The following CNTROB variants were observed in gnomAD, a reference collection of about 807,000 sequenced individuals.
CNTROB encodes centrobin, centriole duplication and spindle assembly protein, also known as centrobin.
Under a neutral mutation model 115.7 loss-of-function variants are expected in CNTROB, and 82 were observed. That is an observed-to-expected ratio of 0.71 (90% CI 0.59 to 0.85). The LOEUF is 0.85. Among genes scored for constraint, CNTROB ranks in the 40% least tolerant of loss-of-function variants. The pLI is 0.00. For synonymous variants in CNTROB, 439 were observed against 456.4 expected (o/e 0.96, Z 0.49); for missense variants, 1,014 against 1,144.4 (o/e 0.89, Z 1.64).
chr17:7,941,523 C>T (rs1437537018), intron 9 of CNTROB, among the ~76,000 whole-genome samples: 2 of 143,796 alleles, frequency 1.4e-5, no homozygotes, highest in Non-Finnish European at 3.0e-5. Context: ...CGCTTGAACC[C>T]GGGAGGTGGA....
chr17:7,937,884 G>A (rs114675531), intron 7 of CNTROB, among the ~76,000 whole-genome samples: 3,303 of 151,962 alleles, frequency 0.022, 103 homozygotes, highest in African/African-American at 0.07. Context: ...GATATATGGT[G>A]GAACTCAAAT....
intron 13 of CNTROB, 124 bp from the exon 14 acceptor site, chr17:7,947,447 G>C: frequency 1.1e-6 from 1 of 938,424 alleles, no homozygotes; most frequent in South Asian, 2.5e-5. Flanking sequence ...TCTTCTCTTA[G>C]CTGTGATGTT....
In CNTROB at chr17:7,939,249, C is replaced by G. The variant is rs558244777; in HGVS notation, c.928-264C>G. ...CTGGAATTACAGGCACCCACCACCA[C>G]GCCTGGCTAATTTTTGTATTTTTAG... On this transcript the variant is annotated intron_variant, in intron 7 of 18. Transcript: ENST00000563694. The surrounding 1 kb of genome is among the most constrained non-coding windows in gnomAD (Gnocchi z 4.4). 6.6e-6 allele frequency among the ~76,000 whole-genome samples: 1 copy of G among 151,606 alleles called. No homozygotes were observed. Among genetic ancestry groups the G allele is most frequent in the African/African-American group, 2.4e-5 (1 of 41,176 alleles).
intron 13 of CNTROB, among the ~76,000 whole-genome samples, 160 bp from the exon 14 acceptor site, chr17:7,947,411 C>A (rs1974672375): frequency 6.6e-6 from 1 of 152,158 alleles, no homozygotes; most frequent in South Asian, 2.1e-4. Context: ...CCTTCCCTCT[C>A]CAGCTACTTT....
intron 2 of CNTROB, 83 bp from the exon 3 acceptor site, chr17:7,934,382 A>G: frequency 6.4e-6 from 9 of 1,396,738 alleles, no homozygotes; most frequent in Non-Finnish European, 9.1e-6. Context: ...AGGGAACTGG[A>G]AAGGAAGGCC....
In CNTROB at chr17:7,939,899, G is replaced by T; in HGVS notation, c.1164+150G>T. ...TGTGGGAGACAAGGTTGAGAGTATA[G>T]GGCCAGCAGGAAGGGCTGGGGGTAA... is the stretch of plus-strand genomic sequence containing the variant. On this transcript the variant is annotated intron_variant, in intron 8 of 18. Coordinates refer to ENST00000563694, the MANE Select transcript of CNTROB (RefSeq NM_053051.5). The surrounding 1 kb of genome is among the most constrained non-coding windows in gnomAD (Gnocchi z 4.4). The T allele has an allele frequency of 9.7e-7, 1 of 1,025,804 alleles. No individual in the cohort carries two copies. The highest frequency in any genetic ancestry group is 1.4e-6 in the Non-Finnish European group (1 of 696,138). The allele number at this position is 1,025,804 out of a possible 1,614,324, so 63.5% of individuals were successfully genotyped here. A position where few individuals can be genotyped will look rare whatever the true frequency, so the allele number is the denominator to read the frequency against.
At chr17:7,934,840 T>C (rs1006892058) in intron 3 of CNTROB, 149 bp from the exon 4 acceptor site, 1 of 871,032 alleles carries the variant, frequency 1.1e-6, no homozygotes, top group African/African-American at 1.7e-5. Flanking sequence ...GTGTGTTATT[T>C]ATAGCACTAT....
Position 7,943,778 on chromosome 17 carries a change from G to C in CNTROB, c.1445+254G>C, listed in dbSNP as rs1333747423. Among the ~76,000 whole-genome samples the C allele has an allele frequency of 1.3e-5, 2 of 152,194 alleles. No homozygotes were observed. Among genetic ancestry groups the C allele is most frequent in the Non-Finnish European group, 2.9e-5 (2 of 68,050 alleles). On this transcript the variant is annotated intron_variant, in intron 10 of 18. Transcript: ENST00000563694. The surrounding 1 kb of genome is among the most constrained non-coding windows in gnomAD (Gnocchi z 4.7). Reference sequence around the variant, plus strand: ...AAGAACTGATGGGTGCAGAATGATAGATGGTCCAGCTCCCTCACTGGGACA... The same window carrying C: ...AAGAACTGATGGGTGCAGAATGATACATGGTCCAGCTCCCTCACTGGGACA...
chr17:7,934,940 G>A, intron 3 of CNTROB, 49 bp from the exon 4 acceptor site: 1 of 1,524,632 alleles, frequency 6.6e-7, no homozygotes, highest in Non-Finnish European at 8.8e-7. Flanking sequence ...TGGACAAGTG[G>A]ATTCCAAAAG....
Position 7,943,603 on chromosome 17 carries a change from C to T in CNTROB, c.1445+79C>T. On this transcript the variant is annotated intron_variant, in intron 10 of 18. Transcript: ENST00000563694. This position sits in a 1 kb window ranked among gnomAD's most constrained non-coding sequence, Gnocchi z 4.7. ...TGCCAGGCCTGTGTTCCCTTCAATCCCTTTGCCATGGTCCAGCACTGTGAC... is the reference window on the plus strand; with the variant it reads ...TGCCAGGCCTGTGTTCCCTTCAATCTCTTTGCCATGGTCCAGCACTGTGAC... 2.0e-6 allele frequency: 3 copies of T among 1,475,696 alleles called. No individual in the cohort carries two copies. The highest frequency in any genetic ancestry group is 2.8e-6 in the Non-Finnish European group (3 of 1,086,192). The allele number at this position is 1,475,696 out of a possible 1,614,324, so 91.4% of individuals were successfully genotyped here. A position where few individuals can be genotyped will look rare whatever the true frequency, so the allele number is the denominator to read the frequency against.
chr17:7,941,580 CAG>C (rs1973876602), intron 9 of CNTROB, among the ~76,000 whole-genome samples: 1 of 120,174 alleles, frequency 8.3e-6, no homozygotes, highest in South Asian at 2.7e-4. Context: ...GCCTGGGCAA[CAG>C]AGTGAGACTC....
At chr17:7,937,424 A>T (rs898479927) in intron 7 of CNTROB, among the ~76,000 whole-genome samples, 162 bp downstream of exon 7, 6 of 151,376 alleles carry the variant, frequency 4.0e-5, no homozygotes, top group Non-Finnish European at 7.4e-5. Flanking sequence ...ATATTCTATT[A>T]AAAAAAAAGG....
Position 7,943,765 on chromosome 17 carries a change from G to A in CNTROB, c.1445+241G>A, listed in dbSNP as rs1287210042. On this transcript the variant is annotated intron_variant, in intron 10 of 18. Coordinates refer to ENST00000563694, the MANE Select transcript of CNTROB (RefSeq NM_053051.5). The surrounding 1 kb of genome is among the most constrained non-coding windows in gnomAD (Gnocchi z 4.7). ...GTAGCCCTTAACCAAGAACTGATGG[G>A]TGCAGAATGATAGATGGTCCAGCTC... Among the ~76,000 whole-genome samples the A allele has an allele frequency of 3.9e-5, 6 of 152,160 alleles. No individual in the cohort carries two copies. Among genetic ancestry groups the A allele is most frequent in the Admixed American group, 3.9e-4 (6 of 15,274 alleles).
Position 7,947,682 on chromosome 17 carries a change from C to G in CNTROB, c.2105C>G (p.Pro702Arg), listed in dbSNP as rs149566923. The G allele has an allele frequency of 3.7e-6, 6 of 1,613,520 alleles. No individual in the cohort carries two copies. The highest frequency in any genetic ancestry group is 2.2e-5 in the South Asian group (2 of 91,026). The change falls in exon 14 of 19, where the codon CCG becomes CGG. Residue 702 changes from proline (P) to arginine (R), a missense_variant. By Grantham distance (103) the Pro-to-Arg change is moderately radical. Transcript: ENST00000563694. ...DGEGLLKQGL[P>R]PAQLEGLKNF... is the part of the protein sequence containing the mutation. Reference sequence around the variant, plus strand: ...GAGGGCCTCCTAAAGCAAGGGCTGCCGCCTGCTCAGCTGGAGGGCCTCAAG... The same window carrying G: ...GAGGGCCTCCTAAAGCAAGGGCTGCGGCCTGCTCAGCTGGAGGGCCTCAAG...
rs756011585 is a variant in CNTROB, at chr17:7,940,123, G to T, written c.1192G>T (p.Ala398Ser). ...KEKSQREAQA[A>S]WETQHQLALV... ...GAAGAGCCAGAGGGAAGCCCAGGCC[G>T]CCTGGGAGACCCAGCACCAGTTGGC... is the stretch of plus-strand genomic sequence containing the variant. Residue 398 changes from alanine (A) to serine (S), a missense_variant, in exon 9 of 19, where the codon GCC (alanine) becomes TCC (serine). Physicochemically the swap from Ala to Ser is moderately conservative, Grantham distance 99. Coordinates refer to ENST00000563694, the MANE Select transcript of CNTROB (RefSeq NM_053051.5). 1 of 1,608,718 alleles carries T rather than the reference G, an allele frequency of 6.2e-7. No homozygotes were observed. Among genetic ancestry groups the T allele is most frequent in the Non-Finnish European group, 8.5e-7 (1 of 1,177,938 alleles).
intron 4 of CNTROB, among the ~76,000 whole-genome samples, chr17:7,935,397 G>A (rs1034175000): frequency 7.2e-5 from 11 of 152,100 alleles, no homozygotes; most frequent in Admixed American, 2.6e-4. Context: ...AGCTACTCGG[G>A]AGGCTGAGGC....
At chr17:7,947,113 A>G (rs1347444460) in intron 13 of CNTROB, among the ~76,000 whole-genome samples, 3 of 151,554 alleles carry the variant, frequency 2.0e-5, no homozygotes, top group South Asian at 4.2e-4. Flanking sequence ...GTGAGCCGAG[A>G]TCGCGCCGCT....
chr17:7,939,428 C>G lies in CNTROB; in HGVS notation c.928-85C>G. ...TGTTTTTAATGAGCATAATTCTCAG[C>G]AGGCACCTTGTATGAGGGTCAGAGG... On this transcript the variant is annotated intron_variant, in intron 7 of 18. Coordinates refer to ENST00000563694, the MANE Select transcript of CNTROB (RefSeq NM_053051.5). This position sits in a 1 kb window ranked among gnomAD's most constrained non-coding sequence, Gnocchi z 4.4. 1 of 1,109,714 alleles carries G rather than the reference C, an allele frequency of 9.0e-7. No individual in the cohort carries two copies. Among genetic ancestry groups the G allele is most frequent in the Non-Finnish European group, 1.3e-6 (1 of 742,410 alleles). The allele number at this position is 1,109,714 out of a possible 1,614,324, so 68.7% of individuals were successfully genotyped here.
rs1253399744 is a variant in CNTROB, at chr17:7,948,189, C to T, written c.2242C>T (p.Pro748Ser). The change falls in exon 16 of 19, where the codon CCT becomes TCT. Residue 748 changes from proline to serine, a missense_variant. Pro to Ser is a moderately conservative substitution (Grantham distance 74). Transcript: ENST00000563694. The surrounding 1 kb of genome is among the most constrained non-coding windows in gnomAD (Gnocchi z 4.4). ...GACTGTCCCATCTTGGGAGGAAGCC[C>T]CTCAAGTGCCACGTATTCCACCGCC... ...PLTVPSWEEA[P>S]QVPRIPPPVH... 3 of 1,614,110 alleles carry T rather than the reference C, an allele frequency of 1.9e-6. No individual in the cohort carries two copies. Among genetic ancestry groups the T allele is most frequent in the Admixed American group, 1.7e-5 (1 of 60,010 alleles).
Sources: gnomAD v4.1 joint callset for allele counts (sites outside exome capture counted in the v4.1 genomes callset) on GRCh38, gnomAD v4.1.1 for gene constraint, Gnocchi (gnomAD v3.1) non-coding constraint, MANE v1.5 for transcripts, NCBI Gene and HGNC (gene_info 2026-07-23, HGNC 2026-07-21) for gene names.